The following SNX29 variants were observed in gnomAD, a reference collection of about 807,000 sequenced individuals.
The protein encoded by SNX29 is sorting nexin 29.
SNX29 carries 78 observed loss-of-function variants against 102.1 expected under a neutral mutation model. The ratio of observed to expected loss-of-function variants is 0.76; its 90% CI spans 0.64 to 0.92. The LOEUF (loss-of-function observed/expected upper bound fraction) is 0.92. Ranked by LOEUF, SNX29 falls within the 40% of genes least tolerant of loss-of-function variation. SNX29 has a pLI of 0.00. For missense variants in SNX29, 1,280 were observed against 1,061.7 expected, an observed-to-expected ratio of 1.21 and a Z score of -2.86; for synonymous variants, 580 against 414.5, an observed-to-expected ratio of 1.40 and a Z score of -4.85.
At chr16:12,517,593 C>G (rs1471798760) in intron 19 of SNX29, among the ~76,000 whole-genome samples, 2 of 152,196 alleles carry the variant, frequency 1.3e-5, no homozygotes. Flanking sequence ...TTTGTTCTCT[C>G]AACAAATGTG....
intron 19 of SNX29, among the ~76,000 whole-genome samples, chr16:12,514,912 G>C (rs538514820): frequency 1.4e-5 from 2 of 143,284 alleles, no homozygotes; most frequent in Non-Finnish European, 3.0e-5. Flanking sequence ...GAGAGAGAAA[G>C]AAAGAGAGAA....
At chr16:12,544,098 G>A (rs951738066) in intron 20 of SNX29, among the ~76,000 whole-genome samples, 2 of 152,212 alleles carry the variant, frequency 1.3e-5, no homozygotes, top group African/African-American at 2.4e-5. Flanking sequence ...AGACTTGGTT[G>A]TGGAAGGCTG....
intron 14 of SNX29, among the ~76,000 whole-genome samples, chr16:12,213,967 A>G (rs2077255370): frequency 6.6e-6 from 1 of 152,144 alleles, no homozygotes; most frequent in African/African-American, 2.4e-5. Context: ...GGAGGGTGCT[A>G]AAGTCCCATC....
intron 3 of SNX29, among the ~76,000 whole-genome samples, chr16:12,018,420 T>TA (rs376957836): frequency 0.13 from 18,722 of 141,384 alleles, 1,321 homozygotes; most frequent in African/African-American, 0.18. Context: ...TACTAAAAAT[T>TA]AAAAAAAAAA....
rs1291676829 is a variant in SNX29, at chr16:12,074,967, G to C, written c.1320-3866G>C. On this transcript the variant is annotated intron_variant, in intron 10 of 20. Coordinates refer to ENST00000566228, the MANE Select transcript of SNX29 (RefSeq NM_032167.5). Reference sequence around the variant, plus strand: ...TCCAGTTGATCGCATCGGCTCCTGAGGCTTCTGCATTCTTCACCTAGTTGT... The same window carrying C: ...TCCAGTTGATCGCATCGGCTCCTGACGCTTCTGCATTCTTCACCTAGTTGT... 3.1e-4 allele frequency among the ~76,000 whole-genome samples: 47 copies of C among 152,080 alleles called. 1 individual carries two copies. The highest frequency in any genetic ancestry group is 3.1e-3 in the Admixed American group (47 of 15,260).
chr16:12,548,119 G>A (rs2077725338), intron 20 of SNX29, among the ~76,000 whole-genome samples: 1 of 152,196 alleles, frequency 6.6e-6, no homozygotes, highest in Admixed American at 6.5e-5. Flanking sequence ...TATTTCTTGG[G>A]ACAAGTAGGA....
At chr16:12,210,692 T>C (rs182442617) in intron 14 of SNX29, among the ~76,000 whole-genome samples, 1 of 152,130 alleles carries the variant, frequency 6.6e-6, no homozygotes, top group Non-Finnish European at 1.5e-5. Flanking sequence ...GTAGCCAAGG[T>C]GTCCTCACCT....
intron 15 of SNX29, among the ~76,000 whole-genome samples, chr16:12,307,463 G>A (rs1419097031): frequency 6.6e-6 from 1 of 152,216 alleles, no homozygotes; most frequent in Non-Finnish European, 1.5e-5. Flanking sequence ...TCTCACATTT[G>A]TGAATGTTGA....
At chr16:12,195,443 A>G (rs545633034) in intron 13 of SNX29, among the ~76,000 whole-genome samples, 1 of 152,148 alleles carries the variant, frequency 6.6e-6, no homozygotes, top group Non-Finnish European at 1.5e-5. Flanking sequence ...GTTGATTCAT[A>G]TTTCCTAAAG....
chr16:12,078,743 G>A, intron 10 of SNX29, 90 bp from the exon 11 acceptor site: 1 of 1,069,880 alleles, frequency 9.3e-7, no homozygotes. Flanking sequence ...AGAGGTACCG[G>A]AGTAAACCGA....
intron 18 of SNX29, among the ~76,000 whole-genome samples, chr16:12,408,864 C>T (rs1567533948): frequency 6.6e-6 from 1 of 152,174 alleles, no homozygotes; most frequent in Non-Finnish European, 1.5e-5. Flanking sequence ...TAAGGTAATT[C>T]CCCTGCTATG....
intron 16 of SNX29, among the ~76,000 whole-genome samples, chr16:12,366,042 CAAA>C (rs55895030): frequency 0.026 from 1,860 of 72,410 alleles, 47 homozygotes; most frequent in African/African-American, 0.077. Flanking sequence ...ACTCTTGTCT[CAAA>C]AAAAAAAAAA....
At chr16:12,216,481 C>A (rs780883461) in intron 14 of SNX29, among the ~76,000 whole-genome samples, 4 of 152,178 alleles carry the variant, frequency 2.6e-5, no homozygotes, top group Non-Finnish European at 5.9e-5. Flanking sequence ...GCCAGCCACA[C>A]GTGTGTCCGA....
intron 11 of SNX29, among the ~76,000 whole-genome samples, chr16:12,097,120 T>C (rs1273599812): frequency 6.6e-6 from 1 of 152,228 alleles, no homozygotes; most frequent in Non-Finnish European, 1.5e-5. Context: ...TTGTCGCCAT[T>C]ATGAAGCCCT....
At chr16:12,247,386 T>A (rs75462133) in intron 14 of SNX29, among the ~76,000 whole-genome samples, 5,238 of 152,322 alleles carry the variant, frequency 0.034, 280 homozygotes, top group East Asian at 0.29. Flanking sequence ...TTACTTAATT[T>A]TCTTATGGCC....
intron 14 of SNX29, among the ~76,000 whole-genome samples, chr16:12,239,358 T>G (rs1325670557): frequency 6.6e-6 from 1 of 151,904 alleles, no homozygotes; most frequent in African/African-American, 2.4e-5. Flanking sequence ...TGAGCAGAGT[T>G]TTTCAGTGGT....
intron 13 of SNX29, among the ~76,000 whole-genome samples, chr16:12,187,420 C>T (rs538547453): frequency 2.4e-4 from 37 of 152,128 alleles, no homozygotes; most frequent in African/African-American, 7.9e-4. Context: ...CGGGTGTGCA[C>T]GCCTGTAATC....
At chr16:11,986,858 G>T (rs909913917) in intron 1 of SNX29, among the ~76,000 whole-genome samples, 1 of 152,136 alleles carries the variant, frequency 6.6e-6, no homozygotes, top group Non-Finnish European at 1.5e-5. Context: ...GGACGTGGCT[G>T]TGTTCCAATA....
chr16:12,541,214 G>T lies in SNX29; in HGVS notation c.2318+16373G>T, dbSNP rs141967102. On this transcript the variant is annotated intron_variant, in intron 20 of 20. Coordinates refer to ENST00000566228, the MANE Select transcript of SNX29 (RefSeq NM_032167.5). ...TCCTGAAGTATTATGGAATATTGGT[G>T]CATGGAGAGAAGGACTATGGAACCA... 2.0e-5 allele frequency among the ~76,000 whole-genome samples: 3 copies of T among 152,270 alleles called. No homozygotes were observed. The East Asian group carries it at 5.8e-4, about 29-fold the overall frequency.
Sources: allele counts gnomAD v4.1 joint callset (sites outside exome capture counted in the v4.1 genomes callset), GRCh38; gene constraint gnomAD v4.1.1; transcripts MANE v1.5; gene names NCBI Gene and HGNC (gene_info 2026-07-23, HGNC 2026-07-21).